The following FCHO2 variants were observed in gnomAD, a reference collection of about 807,000 sequenced individuals.
FCHO2 encodes FCH and mu domain containing endocytic adaptor 2.
FCHO2 carries 43 observed loss-of-function variants against 114.1 expected under a neutral mutation model. The observed-to-expected ratio is 0.38, with a 90% CI of 0.30 to 0.49. FCHO2 has a LOEUF of 0.49. Among genes scored for constraint, FCHO2 ranks in the 20% least tolerant of loss-of-function variants. FCHO2 has a pLI of 0.97. For synonymous variants in FCHO2, 293 were observed against 315.2 expected, an observed-to-expected ratio of 0.93 and a Z score of 0.75; for missense variants, 807 against 950.4, an observed-to-expected ratio of 0.85 and a Z score of 1.98.
chr5:72,968,826 T>C (rs1337251506), intron 2 of FCHO2, among the ~76,000 whole-genome samples: 1 of 152,214 alleles, frequency 6.6e-6, no homozygotes, highest in Admixed American at 6.5e-5. Context: ...TTGAAAATAT[T>C]ATCTACATAT....
chr5:73,043,763 T>C (rs1014744192), intron 11 of FCHO2, among the ~76,000 whole-genome samples: 8 of 152,218 alleles, frequency 5.3e-5, no homozygotes, highest in African/African-American at 1.9e-4. Flanking sequence ...ATATGTATTA[T>C]ATTTATTTTA....
intron 11 of FCHO2, among the ~76,000 whole-genome samples, chr5:73,044,002 T>TC (rs1301865950): frequency 6.6e-6 from 1 of 152,102 alleles, no homozygotes; most frequent in Non-Finnish European, 1.5e-5. Context: ...GGGATAGATC[T>TC]CCCCCTCGCT....
At chr5:72,959,814 G>A (rs759561733) in intron 1 of FCHO2, among the ~76,000 whole-genome samples, 78 of 146,374 alleles carry the variant, frequency 5.3e-4, no homozygotes, top group Middle Eastern at 3.5e-3. Flanking sequence ...CAGTCTCACC[G>A]TGTTGCCTGG....
intron 11 of FCHO2, among the ~76,000 whole-genome samples, chr5:73,043,132 G>A (rs1756885650): frequency 6.6e-6 from 1 of 151,800 alleles, no homozygotes; most frequent in South Asian, 2.1e-4. Context: ...AGTTGGGGTT[G>A]TGTTGCCCAG....
Position 73,052,336 on chromosome 5 carries a change from C to G in FCHO2, c.1002C>G (p.Thr334=), listed in dbSNP as rs138410986. The change falls in exon 13 of 26, where the codon ACC becomes ACG. Residue 334 remains threonine (T), a synonymous_variant. Transcript: ENST00000430046. ...AATTCTTTAACTGAAACTCACATAC[C>G]AAAGAGAACCATTTCTACTCATCTA... ...SIKPETNQND[T]KENHFYSSSD... 3.7e-5 allele frequency: 59 copies of G among 1,603,540 alleles called. No homozygotes were observed. Among genetic ancestry groups the G allele is most frequent in the Admixed American group, 1.4e-4 (8 of 57,866 alleles).
chr5:73,083,055 T>G (rs919581224), intron 24 of FCHO2, among the ~76,000 whole-genome samples: 26 of 142,212 alleles, frequency 1.8e-4, no homozygotes, highest in South Asian at 4.4e-4. Context: ...TGTTTGTTTG[T>G]TTTTTTTTTT....
At chr5:73,031,511 C>T (rs958030295) in intron 8 of FCHO2, among the ~76,000 whole-genome samples, 1 of 152,200 alleles carries the variant, frequency 6.6e-6, no homozygotes, top group Admixed American at 6.5e-5. Context: ...TACTTTTCCT[C>T]AGTCCACAAA....
At chr5:72,982,650 T>G (rs1753277829) in intron 2 of FCHO2, among the ~76,000 whole-genome samples, 1 of 152,174 alleles carries the variant, frequency 6.6e-6, no homozygotes, top group Non-Finnish European at 1.5e-5. Context: ...TGGAGTGCCT[T>G]TAGATATTGG....
At chr5:72,981,942 CT>C (rs200214948) in intron 2 of FCHO2, among the ~76,000 whole-genome samples, 1,590 of 152,282 alleles carry the variant, frequency 0.01, 40 homozygotes, top group African/African-American at 0.036. Context: ...CTGAAGCCTA[CT>C]TCTGTCAGTT....
intron 2 of FCHO2, among the ~76,000 whole-genome samples, chr5:72,969,255 A>G (rs1334864125): frequency 1.3e-5 from 2 of 152,150 alleles, no homozygotes; most frequent in African/African-American, 4.8e-5. Flanking sequence ...TACTCCATTT[A>G]TTCATGTATT....
At position 73,089,512 on chromosome 5, in the gene FCHO2, C is replaced by T. The variant is rs1278745907; in HGVS notation, c.*1422C>T. ...TTAAACATTTCTAAAAATAAACTACCAATACTAAATAGTAAGAAACCTAAC... is the reference window on the plus strand; with the variant it reads ...TTAAACATTTCTAAAAATAAACTACTAATACTAAATAGTAAGAAACCTAAC... On this transcript the variant is annotated 3_prime_UTR_variant, in exon 26 of 26. Transcript: ENST00000430046. The T allele has an allele frequency of 6.6e-6, 1 of 152,062 alleles. No individual in the cohort carries two copies. The highest frequency in any genetic ancestry group is 2.4e-5 in the African/African-American group (1 of 41,326). The allele number at this position is 152,062 out of a possible 1,614,324, so 9.4% of individuals were successfully genotyped here. A position where few individuals can be genotyped will look rare whatever the true frequency, so the allele number is the denominator to read the frequency against.
At chr5:73,071,680 A>G (rs1221312021) in intron 19 of FCHO2, among the ~76,000 whole-genome samples, 1 of 152,116 alleles carries the variant, frequency 6.6e-6, no homozygotes, top group East Asian at 1.9e-4. Context: ...TTAAAAGACT[A>G]TTTAAGTACA....
intron 9 of FCHO2, 38 bp from the exon 10 acceptor site, chr5:73,037,105 T>G: frequency 1.5e-6 from 2 of 1,356,564 alleles, no homozygotes; most frequent in Non-Finnish European, 2.0e-6. Flanking sequence ...TTATCAGGAA[T>G]GTTTATGTTT....
At chr5:72,969,813 CATTT>C (rs1486188981) in intron 2 of FCHO2, among the ~76,000 whole-genome samples, 2 of 152,122 alleles carry the variant, frequency 1.3e-5, no homozygotes, top group Admixed American at 6.6e-5. Context: ...AGTGATATTT[CATTT>C]ATTTATTTTT....
intron 6 of FCHO2, among the ~76,000 whole-genome samples, chr5:73,008,326 C>G (rs1474023943): frequency 6.6e-6 from 1 of 151,854 alleles, no homozygotes; most frequent in East Asian, 1.9e-4. Flanking sequence ...GTATAGTAGT[C>G]AGGTGAGAAG....
Position 73,088,728 on chromosome 5 carries a change from C to T in FCHO2, c.*638C>T, listed in dbSNP as rs1743392414. ...CAAGTGCAATGTGTTTTAAAATAAG[C>T]TTGCAAATGACAGCAGAGACATTTA... On this transcript the variant is annotated 3_prime_UTR_variant, in exon 26 of 26. Coordinates refer to ENST00000430046, the MANE Select transcript of FCHO2 (RefSeq NM_138782.3). The T allele has an allele frequency of 6.6e-6, 1 of 152,476 alleles. No individual in the cohort carries two copies. Among genetic ancestry groups the T allele is most frequent in the Admixed American group, 6.6e-5 (1 of 15,260 alleles). The allele number at this position is 152,476 out of a possible 1,614,324, so 9.4% of individuals were successfully genotyped here.
At chr5:73,056,139 T>C (rs1320883950) in intron 16 of FCHO2, 32 bp downstream of exon 16, 1 of 1,491,330 alleles carries the variant, frequency 6.7e-7, no homozygotes. Flanking sequence ...TGTTAAAAAA[T>C]AGACTTTATT....
chr5:73,012,898 T>C (rs1325899479), intron 6 of FCHO2, among the ~76,000 whole-genome samples: 1 of 152,194 alleles, frequency 6.6e-6, no homozygotes, highest in Non-Finnish European at 1.5e-5. Context: ...GGATTCATAT[T>C]TTAAGATATT....
At chr5:72,960,616 C>G (rs947109078) in intron 1 of FCHO2, among the ~76,000 whole-genome samples, 1 of 152,224 alleles carries the variant, frequency 6.6e-6, no homozygotes, top group East Asian at 1.9e-4. Context: ...CCGCTGCTTT[C>G]TCAAAGGAAT....
Sources: allele counts gnomAD v4.1 joint callset (sites outside exome capture counted in the v4.1 genomes callset), GRCh38; gene constraint gnomAD v4.1.1; transcripts MANE v1.5; gene names NCBI Gene and HGNC (gene_info 2026-07-23, HGNC 2026-07-21).